Variants in C3orf20 observed in about 807,000 individuals in gnomAD.
C3orf20 encodes the protein family with sequence similarity 149 member C, also known as uncharacterized protein C3orf20.
Under a neutral mutation model 88.3 loss-of-function variants are expected in C3orf20, and 76 were observed. The ratio of observed to expected loss-of-function variants is 0.86; its 90% CI spans 0.72 to 1.04. The LOEUF (loss-of-function observed/expected upper bound fraction) is 1.04. Among genes scored for constraint, C3orf20 ranks in the 50% least tolerant of loss-of-function variants. C3orf20 has a pLI of 0.00. For synonymous variants in C3orf20, 436 were observed against 437.4 expected, an observed-to-expected ratio of 1.00 and a Z score of 0.04; for missense variants, 1,056 against 1,123.3, an observed-to-expected ratio of 0.94 and a Z score of 0.86.
At chr3:14,727,649 G>A (rs922555752) in intron 11 of C3orf20, among the ~76,000 whole-genome samples, 6 of 152,136 alleles carry the variant, frequency 3.9e-5, no homozygotes, top group African/African-American at 1.4e-4. Flanking sequence ...TCTCTCTGGG[G>A]AGTTTCTTCT....
intron 12 of C3orf20, among the ~76,000 whole-genome samples, chr3:14,730,957 C>T (rs924031913): frequency 9.2e-5 from 14 of 152,130 alleles, no homozygotes; most frequent in Non-Finnish European, 1.8e-4. Flanking sequence ...TTCAGCAGTC[C>T]TTCTTTTCCT....
At chr3:14,709,197 T>G (rs971537135) in intron 7 of C3orf20, among the ~76,000 whole-genome samples, 3 of 152,208 alleles carry the variant, frequency 2.0e-5, no homozygotes, top group Non-Finnish European at 4.4e-5. Flanking sequence ...GACAACTCTT[T>G]TGTGTGTGTT....
intron 15 of C3orf20, among the ~76,000 whole-genome samples, chr3:14,771,839 C>T (rs1035902233): frequency 3.3e-5 from 5 of 152,148 alleles, no homozygotes; most frequent in African/African-American, 9.7e-5. Context: ...GTTGGGGGTG[C>T]GAGTGTAGCA....
At chr3:14,727,312 T>C (rs1400420813) in intron 11 of C3orf20, among the ~76,000 whole-genome samples, 2 of 152,116 alleles carry the variant, frequency 1.3e-5, no homozygotes, top group African/African-American at 4.8e-5. Context: ...TTTTCCTGGG[T>C]TTCTCGGTAG....
In C3orf20 at chr3:14,715,360, A is replaced by C; in HGVS notation, c.1385A>C (p.Lys462Thr). The C allele has an allele frequency of 6.2e-7, 1 of 1,612,614 alleles. No individual in the cohort carries two copies. Among genetic ancestry groups the C allele is most frequent in the Non-Finnish European group, 8.5e-7 (1 of 1,179,850 alleles). ...GACCAGCAGGGCTATGTAGTCCACA[A>C]GTGGAGCTGGACTTCCAGGACAGAG... ...TNDQQGYVVH[K>T]WSWTSRTETL... is the part of the protein sequence containing the mutation. The change falls in exon 9 of 17, where the codon AAG becomes ACG. Residue 462 changes from lysine (K) to threonine (T), a missense_variant. Physicochemically the swap from Lys to Thr is moderately conservative, Grantham distance 78. Coordinates refer to ENST00000253697, the MANE Select transcript of C3orf20 (RefSeq NM_032137.5).
At chr3:14,755,673 A>G (rs984163295) in intron 12 of C3orf20, among the ~76,000 whole-genome samples, 2 of 152,218 alleles carry the variant, frequency 1.3e-5, no homozygotes, top group African/African-American at 2.4e-5. Flanking sequence ...CTTAATTACC[A>G]TATGAACTTG....
At chr3:14,714,641 T>A (rs1325585477) in intron 8 of C3orf20, among the ~76,000 whole-genome samples, 1 of 152,180 alleles carries the variant, frequency 6.6e-6, no homozygotes, top group Non-Finnish European at 1.5e-5. Context: ...TCTCACTCTG[T>A]CACTCAGGTT....
At chr3:14,763,084 G>A (rs2035605260) in intron 15 of C3orf20, among the ~76,000 whole-genome samples, 1 of 152,126 alleles carries the variant, frequency 6.6e-6, no homozygotes, top group East Asian at 1.9e-4. Context: ...ACAATCCCAG[G>A]GAGAAAGACA....
intron 9 of C3orf20, 43 bp from the exon 10 acceptor site, chr3:14,721,610 C>G (rs761817277): frequency 3.7e-6 from 6 of 1,606,046 alleles, no homozygotes; most frequent in Non-Finnish European, 5.1e-6. Flanking sequence ...TGGCTGGGGC[C>G]GTTGAAGCAG....
intron 15 of C3orf20, among the ~76,000 whole-genome samples, chr3:14,771,283 CT>C (rs369786916): frequency 8.4e-4 from 128 of 152,382 alleles, no homozygotes; most frequent in African/African-American, 3.0e-3. Flanking sequence ...AGAGGAACCT[CT>C]GTTGTTTCAC....
chr3:14,708,212 G>T (rs2033601370), intron 7 of C3orf20, among the ~76,000 whole-genome samples: 1 of 152,132 alleles, frequency 6.6e-6, no homozygotes, highest in South Asian at 2.1e-4. Flanking sequence ...ATAAGATAAG[G>T]TTCCAATTTC....
chr3:14,753,716 G>A (rs1340342439), intron 12 of C3orf20, among the ~76,000 whole-genome samples: 1 of 152,032 alleles, frequency 6.6e-6, no homozygotes, highest in East Asian at 1.9e-4. Flanking sequence ...CTTAAGATTT[G>A]TTGTTGCTGC....
chr3:14,746,852 T>C (rs1249420947), intron 12 of C3orf20, among the ~76,000 whole-genome samples: 1 of 152,244 alleles, frequency 6.6e-6, no homozygotes, highest in Non-Finnish European at 1.5e-5. Context: ...ATTTTACAAA[T>C]ATTAGACAGA....
intron 15 of C3orf20, among the ~76,000 whole-genome samples, chr3:14,771,212 T>A (rs2035851291): frequency 6.6e-6 from 1 of 152,230 alleles, no homozygotes; most frequent in African/African-American, 2.4e-5. Context: ...ATGCAGCAGG[T>A]CCTCACCAGG....
intron 15 of C3orf20, 28 bp downstream of exon 15, chr3:14,761,643 GA>G: frequency 6.3e-7 from 1 of 1,599,508 alleles, no homozygotes; most frequent in Non-Finnish European, 8.5e-7. Context: ...CAGGATGAGG[GA>G]TGGGCCTGGG....
rs987215334 is a variant in C3orf20 at position 14,690,241 on chromosome 3, T to C, written c.745+125T>C. The C allele has an allele frequency of 2.2e-5, 29 of 1,325,986 alleles. No homozygotes were observed. In the African/African-American group the frequency reaches 4.1e-4, roughly 19 times the overall value. 82.1% of individuals were successfully genotyped at this position (1,325,986 alleles called of 1,614,324 possible). ...TTGGTCTTCTGATTAGAAGGATACA[T>C]AGCGGCTCTGCCTGGAGATCCAGCA... is the stretch of plus-strand genomic sequence containing the variant. On this transcript the variant is annotated intron_variant, in intron 5 of 16. Transcript: ENST00000253697.
chr3:14,728,161 C>A (rs2034419328), intron 11 of C3orf20, among the ~76,000 whole-genome samples: 1 of 152,200 alleles, frequency 6.6e-6, no homozygotes, highest in Non-Finnish European at 1.5e-5. Flanking sequence ...CTGGCGAGGA[C>A]ACAGGCTGAA....
At chr3:14,713,904 C>A in intron 7 of C3orf20, 103 bp from the exon 8 acceptor site, 1 of 1,257,678 alleles carries the variant, frequency 8.0e-7, no homozygotes, top group Non-Finnish European at 1.1e-6. Flanking sequence ...GAGAATGATG[C>A]ACCAAATAGC....
chr3:14,721,594 A>T (rs1156518737), intron 9 of C3orf20, 59 bp from the exon 10 acceptor site: 11 of 1,596,990 alleles, frequency 6.9e-6, no homozygotes, highest in Non-Finnish European at 9.4e-6. Flanking sequence ...GTGGGTCAGG[A>T]AGGGGTGGCT....
Sources: gnomAD v4.1 joint callset for allele counts (sites outside exome capture counted in the v4.1 genomes callset) on GRCh38, gnomAD v4.1.1 for gene constraint, MANE v1.5 for transcripts, NCBI Gene and HGNC (gene_info 2026-07-23, HGNC 2026-07-21) for gene names.